Variants in PRLR observed in about 807,000 individuals in gnomAD.
PRLR encodes prolactin receptor.
A neutral mutation model predicts 40.2 loss-of-function variants in PRLR; 13 were observed. The ratio of observed to expected loss-of-function variants is 0.32; its 90% CI spans 0.21 to 0.51. The LOEUF (loss-of-function observed/expected upper bound fraction) is 0.51. Among genes scored for constraint, PRLR ranks in the 20% least tolerant of loss-of-function variants. The pLI is 0.97. For missense variants in PRLR, 656 were observed against 747.3 expected (o/e 0.88, Z 1.42); for synonymous variants, 269 against 278.7 (o/e 0.97, Z 0.35).
intron 1 of PRLR, among the ~76,000 whole-genome samples, chr5:35,171,959 T>C (rs1775009774): frequency 6.6e-6 from 1 of 152,160 alleles, no homozygotes; most frequent in African/African-American, 2.4e-5. Context: ...TGAATGCAAA[T>C]GTATTTATTT....
At chr5:35,151,900 G>A (rs1774352846) in intron 1 of PRLR, among the ~76,000 whole-genome samples, 1 of 152,172 alleles carries the variant, frequency 6.6e-6, no homozygotes, top group African/African-American at 2.4e-5. Context: ...ACAATCAAAT[G>A]ATAGCTGTTT....
Position 35,089,595 on chromosome 5 carries a change from G to C in PRLR, c.26C>G (p.Thr9Ser), listed in dbSNP as rs201422262. Residue 9 changes from threonine (T) to serine (S), a missense_variant, in exon 3 of 10, where the codon ACC (threonine) becomes AGC (serine). Thr to Ser is a moderately conservative substitution (Grantham distance 58, BLOSUM62 1). Coordinates refer to ENST00000618457, the MANE Select transcript of PRLR (RefSeq NM_000949.7). Reference protein sequence around the residue: MKENVASATVFTLLLFLNT... With the variant: MKENVASASVFTLLLFLNT... ...GAGAAAAAGTAGCAGAGTGAAAACG[G>C]TTGCAGATGCCACATTTTCCTTCAT... 100 of 1,613,938 alleles carry C rather than the reference G, an allele frequency of 6.2e-5. No individual in the cohort carries two copies. Among genetic ancestry groups the C allele is most frequent in the Non-Finnish European group, 7.8e-5 (92 of 1,179,932 alleles).
downstream of PRLR, among the ~76,000 whole-genome samples, chr5:35,053,267 C>A (rs1308798174): frequency 6.6e-6 from 1 of 152,090 alleles, no homozygotes; most frequent in Non-Finnish European, 1.5e-5. Flanking sequence ...TGTGGTGATA[C>A]CGTTGTAAAA....
intron 1 of PRLR, among the ~76,000 whole-genome samples, chr5:35,162,598 G>T (rs1774704819): frequency 6.6e-6 from 1 of 152,222 alleles, no homozygotes; most frequent in Non-Finnish European, 1.5e-5. Flanking sequence ...TGCAGTCTCA[G>T]AATGCAAGCC....
At chr5:35,146,566 C>G (rs562891774) in intron 1 of PRLR, among the ~76,000 whole-genome samples, 2 of 152,292 alleles carry the variant, frequency 1.3e-5, no homozygotes, top group South Asian at 4.1e-4. Context: ...GCATCATTGT[C>G]ATCGTTATAA....
rs3034214 is a variant in PRLR, at chr5:35,074,504, C to CATATATATATATAT, written c.374-1774_374-1761dup. Among the ~76,000 whole-genome samples the CATATATATATATAT allele has an allele frequency of 2.0e-4, 26 of 132,612 alleles. 2 individuals are homozygous for CATATATATATATAT. Among genetic ancestry groups the CATATATATATATAT allele is most frequent in the African/African-American group, 8.3e-4 (25 of 30,214 alleles). The allele number at this position is 132,612 out of a possible 152,430, so 87.0% of individuals were successfully genotyped here. Reference sequence around the variant, plus strand: ...AACAGCTACATATTTTTTATGATTCCATATATATATATATATATATATGAA... The same window carrying CATATATATATATAT: ...AACAGCTACATATTTTTTATGATTCCATATATATATATATATATATATATATATATATATATGAA... On this transcript the variant is annotated intron_variant, in intron 5 of 9. Coordinates refer to ENST00000618457, the MANE Select transcript of PRLR (RefSeq NM_000949.7).
intron 1 of PRLR, among the ~76,000 whole-genome samples, chr5:35,170,537 T>TGGCAG: frequency 6.6e-6 from 1 of 152,234 alleles, no homozygotes; most frequent in African/African-American, 2.4e-5. Flanking sequence ...TGCAATGGCA[T>TGGCAG]GTGCCTGTAG....
At chr5:35,092,501 C>T (rs915364203) in intron 2 of PRLR, among the ~76,000 whole-genome samples, 8 of 152,164 alleles carry the variant, frequency 5.3e-5, no homozygotes, top group Non-Finnish European at 4.4e-5. Context: ...GTTTATCCAC[C>T]GACCTTTTTT....
chr5:35,113,074 C>T (rs1021799753), intron 2 of PRLR, among the ~76,000 whole-genome samples: 6 of 151,874 alleles, frequency 4.0e-5, no homozygotes, highest in Non-Finnish European at 8.8e-5. Flanking sequence ...ACCCACCCAT[C>T]CATCCATCAA....
chr5:35,215,420 C>T (rs576210548), intron 1 of PRLR, among the ~76,000 whole-genome samples: 12 of 152,280 alleles, frequency 7.9e-5, no homozygotes, highest in African/African-American at 2.6e-4. Context: ...CCCAGTAAAT[C>T]ATGAACTCTT....
chr5:35,067,939 T>C (rs1769480953), intron 9 of PRLR, among the ~76,000 whole-genome samples: 1 of 152,242 alleles, frequency 6.6e-6, no homozygotes, highest in Non-Finnish European at 1.5e-5. Context: ...GTATAAAATG[T>C]TTATCTCTAT....
chr5:35,171,363 C>T (rs1189357361), intron 1 of PRLR, among the ~76,000 whole-genome samples: 3 of 152,220 alleles, frequency 2.0e-5, no homozygotes, highest in Admixed American at 6.5e-5. Context: ...CATGCTGAGT[C>T]CTAAAACTTG....
At chr5:35,133,177 A>T (rs1255644971) in intron 1 of PRLR, among the ~76,000 whole-genome samples, 25 of 152,152 alleles carry the variant, frequency 1.6e-4, no homozygotes. Flanking sequence ...CTACACTATC[A>T]GATCTCCTGG....
At chr5:35,224,952 G>T (rs979820202) in intron 1 of PRLR, among the ~76,000 whole-genome samples, 17 of 152,250 alleles carry the variant, frequency 1.1e-4, no homozygotes, top group African/African-American at 4.1e-4. Context: ...CTTTTGTGAT[G>T]CCCCTGGAGT....
chr5:35,209,938 C>T (rs749793288), intron 1 of PRLR, among the ~76,000 whole-genome samples: 10 of 152,266 alleles, frequency 6.6e-5, no homozygotes, highest in Non-Finnish European at 1.0e-4. Context: ...AAACTACGCA[C>T]GAGATCATGC....
chr5:35,066,857 G>A (rs558890508), intron 9 of PRLR, among the ~76,000 whole-genome samples: 33 of 145,482 alleles, frequency 2.3e-4, no homozygotes, highest in African/African-American at 8.1e-4. Context: ...TCCGCCTCCC[G>A]GGTTCACGCC....
chr5:35,131,845 G>C (rs1421171362), intron 1 of PRLR, among the ~76,000 whole-genome samples: 2 of 152,150 alleles, frequency 1.3e-5, no homozygotes, highest in African/African-American at 4.8e-5. Flanking sequence ...CAGTGATAGT[G>C]CTCTGAGTTC....
chr5:35,224,114 A>G (rs1450501806), intron 1 of PRLR, among the ~76,000 whole-genome samples: 1 of 152,198 alleles, frequency 6.6e-6, no homozygotes, highest in African/African-American at 2.4e-5. Context: ...GGTCATTAAC[A>G]TAGCGTTACA....
intron 1 of PRLR, among the ~76,000 whole-genome samples, chr5:35,190,367 G>A (rs1248941024): frequency 6.6e-6 from 1 of 152,208 alleles, no homozygotes; most frequent in Non-Finnish European, 1.5e-5. Flanking sequence ...CACTTCGGAA[G>A]GCTGATGCGA....
Sources: gnomAD v4.1 joint callset for allele counts (sites outside exome capture counted in the v4.1 genomes callset) on GRCh38, gnomAD v4.1.1 for gene constraint, MANE v1.5 for transcripts, NCBI Gene and HGNC (gene_info 2026-07-23, HGNC 2026-07-21) for gene names.